The following SPMIP11 variants were observed in gnomAD, a reference collection of about 807,000 sequenced individuals.
SPMIP11 encodes the protein sperm microtubule inner protein 11, also known as long intergenic non-protein coding RNA 935.
chr12:48,759,258 T>G, the SPMIP11 span: 4 of 702,842 alleles, frequency 5.7e-6, no homozygotes, highest in African/African-American at 7.0e-5. Context: ...TCTCAAAAGA[T>G]GGGAATTATT....
At chr12:48,742,285 T>TC in the SPMIP11 span, among the ~76,000 whole-genome samples, 3 of 140,900 alleles carry the variant, frequency 2.1e-5, no homozygotes, top group African/African-American at 7.8e-5. Flanking sequence ...TTCCTTTTTT[T>TC]TTTTTTTTTT....
the SPMIP11 span, among the ~76,000 whole-genome samples, chr12:48,733,114 G>A: frequency 1.5e-3 from 178 of 116,008 alleles, no homozygotes; most frequent in Non-Finnish European, 2.6e-3. Context: ...TCGCTCTTTC[G>A]CCCAGGCTGG....
chr12:48,730,113 C>T, the SPMIP11 span, among the ~76,000 whole-genome samples: 40 of 152,084 alleles, frequency 2.6e-4, no homozygotes, highest in Non-Finnish European at 5.0e-4. Flanking sequence ...AGTGTACAGC[C>T]GACCAATTGT....
the SPMIP11 span, chr12:48,759,428 T>A: frequency 1.5e-6 from 1 of 653,822 alleles, no homozygotes; most frequent in Non-Finnish European, 2.8e-6. Context: ...GTGGCTCATG[T>A]CTGTAATCCT....
At chr12:48,741,256 G>A in the SPMIP11 span, among the ~76,000 whole-genome samples, 2 of 151,748 alleles carry the variant, frequency 1.3e-5, no homozygotes, top group Non-Finnish European at 2.9e-5. Context: ...TCTCCATGTT[G>A]GTCAGGCTGG....
the SPMIP11 span, among the ~76,000 whole-genome samples, chr12:48,738,737 A>G: frequency 6.6e-6 from 1 of 152,064 alleles, no homozygotes; most frequent in Admixed American, 6.6e-5. Flanking sequence ...GAAAGAAGGG[A>G]GACAAAATGC....
chr12:48,740,370 T>G, the SPMIP11 span, among the ~76,000 whole-genome samples: 1 of 152,072 alleles, frequency 6.6e-6, no homozygotes, highest in Non-Finnish European at 1.5e-5. Context: ...TAAGCTTGTA[T>G]CTCCTAACAA....
the SPMIP11 span, among the ~76,000 whole-genome samples, chr12:48,764,565 T>C: frequency 6.6e-6 from 1 of 152,164 alleles, no homozygotes; most frequent in African/African-American, 2.4e-5. Flanking sequence ...CCCAAGTGGG[T>C]TGACCACTTG....
chr12:48,730,707 G>A, the SPMIP11 span, among the ~76,000 whole-genome samples: 1 of 152,196 alleles, frequency 6.6e-6, no homozygotes, highest in Non-Finnish European at 1.5e-5. Flanking sequence ...GGAGGCCGAG[G>A]CGGGTGGATC....
chr12:48,771,070 T>G, the SPMIP11 span: 1 of 1,209,902 alleles, frequency 8.3e-7, no homozygotes, highest in Non-Finnish European at 1.2e-6. The surrounding 1 kb of genome is among the most constrained non-coding windows in gnomAD (Gnocchi z 4.3). Flanking sequence ...CTTCCCCACT[T>G]CCCTGTCTCA....
the SPMIP11 span, among the ~76,000 whole-genome samples, chr12:48,729,544 T>A: frequency 8.9e-5 from 12 of 135,334 alleles, no homozygotes; most frequent in African/African-American, 2.7e-4. Context: ...AAAAAAAAAA[T>A]AAAATACAAA....
chr12:48,764,597 TGG>T, the SPMIP11 span, among the ~76,000 whole-genome samples: 12 of 152,108 alleles, frequency 7.9e-5, no homozygotes, highest in Non-Finnish European at 1.5e-4. Context: ...TCTTAGCACT[TGG>T]GGAAAGCTCT....
the SPMIP11 span, chr12:48,759,462 G>T: frequency 3.4e-6 from 2 of 592,854 alleles, no homozygotes; most frequent in Non-Finnish European, 6.1e-6. Flanking sequence ...GCCGAGGCAG[G>T]CGGATCACAA....
At chr12:48,768,342 T>C in the SPMIP11 span, 1 of 548,998 alleles carries the variant, frequency 1.8e-6, no homozygotes, top group Non-Finnish European at 3.2e-6. Flanking sequence ...GGCTGGAAGA[T>C]TGGAGAGGGA....
the SPMIP11 span, chr12:48,768,825 C>T: frequency 6.4e-7 from 1 of 1,550,678 alleles, no homozygotes; most frequent in African/African-American, 1.4e-5. Flanking sequence ...GTCCCTGCCC[C>T]ACCATACACA....
the SPMIP11 span, among the ~76,000 whole-genome samples, chr12:48,760,600 C>A: frequency 4.1e-4 from 62 of 152,292 alleles, no homozygotes; most frequent in African/African-American, 1.4e-3. Flanking sequence ...GATCTTGGCC[C>A]ACTGCAACCT....
At chr12:48,737,889 C>T in the SPMIP11 span, among the ~76,000 whole-genome samples, 1 of 152,112 alleles carries the variant, frequency 6.6e-6, no homozygotes, top group African/African-American at 2.4e-5. Context: ...GTGGAACGAT[C>T]ATGGCTCATT....
At chr12:48,738,630 G>A in the SPMIP11 span, among the ~76,000 whole-genome samples, 3 of 151,960 alleles carry the variant, frequency 2.0e-5, no homozygotes, top group South Asian at 6.2e-4. Flanking sequence ...CGCCTCCGGG[G>A]TTCATGCCAT....
the SPMIP11 span, chr12:48,768,604 C>A: frequency 1.2e-6 from 2 of 1,614,082 alleles, no homozygotes; most frequent in Non-Finnish European, 1.7e-6. Flanking sequence ...ACTGCTGGGG[C>A]CCCCATTGAG....
Sources: allele counts gnomAD v4.1 joint callset (sites outside exome capture counted in the v4.1 genomes callset), GRCh38; gene constraint gnomAD v4.1.1; non-coding constraint Gnocchi (gnomAD v3.1); transcripts MANE v1.5; gene names NCBI Gene and HGNC (gene_info 2026-07-23, HGNC 2026-07-21).